Variants in DLGAP2 observed in about 807,000 individuals in gnomAD.
DLGAP2 encodes the protein DLG associated protein 2, also known as disks large-associated protein 2.
Under a neutral mutation model 100.3 loss-of-function variants are expected in DLGAP2, and 26 were observed. That is an observed-to-expected ratio of 0.26 (90% CI 0.19 to 0.36). The LOEUF (loss-of-function observed/expected upper bound fraction) is 0.36. Among genes scored for constraint, DLGAP2 ranks in the 10% least tolerant of loss-of-function variants. DLGAP2 has a pLI of 1.00. For synonymous variants in DLGAP2, 886 were observed against 630.1 expected (o/e 1.41, Z -6.08); for missense variants, 1,858 against 1,453.2 (o/e 1.28, Z -4.53).
intron 8 of DLGAP2, among the ~76,000 whole-genome samples, chr8:1,647,416 G>C (rs1313510464): frequency 6.9e-6 from 1 of 144,922 alleles, no homozygotes; most frequent in Non-Finnish European, 1.5e-5. Context: ...GTGAACCCGG[G>C]AGGCAGAGCT....
chr8:1,385,622 C>T (rs1204755889), intron 3 of DLGAP2, among the ~76,000 whole-genome samples: 5 of 75,106 alleles, frequency 6.7e-5, no homozygotes, highest in African/African-American at 2.4e-4. Flanking sequence ...CACAGTTACC[C>T]CGGCCTATGC....
At chr8:1,656,241 C>T (rs1308516670) in intron 8 of DLGAP2, among the ~76,000 whole-genome samples, 8 of 151,618 alleles carry the variant, frequency 5.3e-5, no homozygotes, top group South Asian at 2.1e-4. Flanking sequence ...ACCCGGGAGG[C>T]GGAGATTGCA....
chr8:1,683,954 G>GTGTATATATATA lies in DLGAP2; in HGVS notation c.2704+5326_2704+5327insGTATATATATAT, dbSNP rs1450063590. Among the ~76,000 whole-genome samples the GTGTATATATATA allele has an allele frequency of 3.8e-3, 287 of 74,726 alleles. 4 individuals are homozygous for GTGTATATATATA. The highest frequency in any genetic ancestry group is 5.2e-3 in the Non-Finnish European group (226 of 43,178). 49.0% of individuals were successfully genotyped at this position (74,726 alleles called of 152,430 possible). A position where few individuals can be genotyped will look rare whatever the true frequency, so the allele number is the denominator to read the frequency against. On this transcript the variant is annotated intron_variant, in intron 12 of 14. Coordinates refer to ENST00000637795, the MANE Select transcript of DLGAP2 (RefSeq NM_001346810.2). ...TATATATGTGTATATATATATGTGT[G>GTGTATATATATA]TATATATATATATATATATATATAT...
rs541068193 is a variant in DLGAP2, at chr8:1,549,625, A to T, written c.1172A>T (p.Asp391Val). The change falls in exon 5 of 15, where the codon GAC (aspartate) becomes GTC (valine). Residue 391 changes from aspartate to valine, a missense_variant. Asp to Val is a radical substitution (Grantham distance 152). Coordinates refer to ENST00000637795, the MANE Select transcript of DLGAP2 (RefSeq NM_001346810.2). ...EAYRKSSLNLDKPLLHQDAKP... is the reference protein window; with the variant it reads ...EAYRKSSLNLVKPLLHQDAKP... ...TACCGCAAGAGCTCGCTGAACCTGG[A>T]CAAGCCGCTGCTGCACCAGGACGCC... 50 of 1,572,184 alleles carry T rather than the reference A, an allele frequency of 3.2e-5. No individual in the cohort carries two copies. In the Admixed American group the frequency reaches 9.2e-4, roughly 29 times the overall value.
intron 2 of DLGAP2, among the ~76,000 whole-genome samples, chr8:933,403 G>C (rs1352629036): frequency 2.0e-5 from 3 of 151,274 alleles, no homozygotes; most frequent in African/African-American, 7.3e-5. Flanking sequence ...GTGGGCACGA[G>C]GGTGAGGGCA....
chr8:925,165 T>C (rs951667354), intron 2 of DLGAP2, among the ~76,000 whole-genome samples: 2 of 152,150 alleles, frequency 1.3e-5, no homozygotes, highest in African/African-American at 2.4e-5. Context: ...AGAAATCTTA[T>C]TTTGTCACTC....
chr8:1,444,771 CTTT>C (rs914045708), intron 3 of DLGAP2, among the ~76,000 whole-genome samples: 37 of 79,844 alleles, frequency 4.6e-4, no homozygotes, highest in Middle Eastern at 0.012. Context: ...CCAGGTCATT[CTTT>C]TTTTTTTTTT....
chr8:949,728 G>T (rs999541384), intron 2 of DLGAP2, among the ~76,000 whole-genome samples: 5 of 152,180 alleles, frequency 3.3e-5, no homozygotes, highest in Non-Finnish European at 1.5e-5. Context: ...TCAGGGACCC[G>T]GCAGATGTTC....
At chr8:1,049,714 C>G (rs534516617) in intron 2 of DLGAP2, among the ~76,000 whole-genome samples, 1 of 151,938 alleles carries the variant, frequency 6.6e-6, no homozygotes, top group African/African-American at 2.4e-5. Context: ...GACACAGGCA[C>G]ATATGAATGG....
chr8:1,591,853 C>T (rs140913797), intron 6 of DLGAP2, among the ~76,000 whole-genome samples: 2,034 of 152,288 alleles, frequency 0.013, 16 homozygotes, highest in Non-Finnish European at 0.016. Flanking sequence ...TTGGCCTCTG[C>T]GTCAATAATT....
At chr8:1,266,293 C>T (rs1291752036) in intron 3 of DLGAP2, among the ~76,000 whole-genome samples, 1 of 152,232 alleles carries the variant, frequency 6.6e-6, no homozygotes, top group African/African-American at 2.4e-5. Flanking sequence ...CCCAAGCAGC[C>T]ATGCTTTTAT....
chr8:1,220,751 C>T (rs1304791366), intron 2 of DLGAP2, among the ~76,000 whole-genome samples: 2 of 152,138 alleles, frequency 1.3e-5, no homozygotes, highest in Admixed American at 6.5e-5. Context: ...TTTCATAGGC[C>T]TCTGAGAAAT....
At chr8:1,457,524 C>G (rs1490781921) in intron 3 of DLGAP2, among the ~76,000 whole-genome samples, 2 of 152,194 alleles carry the variant, frequency 1.3e-5, no homozygotes, top group African/African-American at 2.4e-5. Flanking sequence ...ACTAATAGGA[C>G]AAGCTGATGG....
At chr8:1,453,364 C>G (rs1014500925) in intron 3 of DLGAP2, among the ~76,000 whole-genome samples, 2 of 152,142 alleles carry the variant, frequency 1.3e-5, no homozygotes, top group East Asian at 1.9e-4. Context: ...TGAGTACTTT[C>G]ACAAGTGTCT....
intron 2 of DLGAP2, among the ~76,000 whole-genome samples, chr8:1,222,892 G>A (rs1185071614): frequency 6.6e-6 from 1 of 152,104 alleles, no homozygotes; most frequent in East Asian, 1.9e-4. Context: ...CCCAGGAGCC[G>A]GCCAGCCGTG....
chr8:1,061,230 G>A (rs1200388508), intron 2 of DLGAP2, among the ~76,000 whole-genome samples: 1 of 152,120 alleles, frequency 6.6e-6, no homozygotes, highest in South Asian at 2.1e-4. Flanking sequence ...AACTCTTTGG[G>A]TCACTGGAAT....
chr8:1,202,071 G>T (rs1352543069), intron 2 of DLGAP2, among the ~76,000 whole-genome samples: 1 of 152,038 alleles, frequency 6.6e-6, no homozygotes, highest in Non-Finnish European at 1.5e-5. Context: ...GTGTGTATGT[G>T]TACGCCTGTG....
chr8:744,126 G>T (rs779283246), intron 1 of DLGAP2, among the ~76,000 whole-genome samples: 10 of 152,200 alleles, frequency 6.6e-5, no homozygotes, highest in Non-Finnish European at 1.0e-4. Context: ...GGTTCTCTCA[G>T]ACCCAGCGCC....
At chr8:1,453,848 C>T (rs1798231213) in intron 3 of DLGAP2, among the ~76,000 whole-genome samples, 1 of 152,212 alleles carries the variant, frequency 6.6e-6, no homozygotes, top group South Asian at 2.1e-4. Context: ...TTAGACAGCT[C>T]ACTTTGATTT....
Sources: allele counts gnomAD v4.1 joint callset (sites outside exome capture counted in the v4.1 genomes callset), GRCh38; gene constraint gnomAD v4.1.1; transcripts MANE v1.5; gene names NCBI Gene and HGNC (gene_info 2026-07-23, HGNC 2026-07-21).